CCDC47: variants seen among roughly 807,000 people sequenced by gnomAD.
CCDC47 encodes the protein PAT complex subunit CCDC47.
A neutral mutation model predicts 60.5 loss-of-function variants in CCDC47; 41 were observed. That is an observed-to-expected ratio of 0.68 (90% confidence interval 0.53 to 0.88). The LOEUF (loss-of-function observed/expected upper bound fraction) is 0.88. Ranked by LOEUF, CCDC47 falls within the 40% of genes least tolerant of loss-of-function variation. The probability of loss-of-function intolerance (pLI) is 0.00; values close to 1 mark genes in which losing one functional copy is unlikely to be tolerated. For synonymous variants in CCDC47, 195 were observed against 190.7 expected (o/e 1.02, Z -0.18); for missense variants, 513 against 580.9 (o/e 0.88, Z 1.20).
rs1324475746 is a variant in CCDC47, at chr17:63,751,911, GTTTTACCCCAGTGA to G, written c.1371+15_1371+28del. On this transcript the variant is annotated intron_variant, in intron 12 of 12. Coordinates refer to ENST00000225726, the MANE Select transcript of CCDC47 (RefSeq NM_020198.3). Reference sequence around the variant, plus strand: ...CAAGCAGTCATCCTTACAAATCGTAGTTTTACCCCAGTGATAAGTTTGTCTAACCTCCAGCCTGC... The same window carrying G: ...CAAGCAGTCATCCTTACAAATCGTAGTAAGTTTGTCTAACCTCCAGCCTGC... 1 of 1,611,922 alleles carries G rather than the reference GTTTTACCCCAGTGA, an allele frequency of 6.2e-7. No homozygotes were observed. Among genetic ancestry groups the G allele is most frequent in the Non-Finnish European group, 8.5e-7 (1 of 1,178,872 alleles).
chr17:63,764,738 A>G lies in CCDC47; in HGVS notation c.372+2T>C, dbSNP rs1332073153. 6.2e-7 allele frequency: 1 copy of G among 1,608,158 alleles called. No homozygotes were observed. The stretch of plus-strand genomic sequence containing the variant: ...TGGGAATTCAGAATCCTGGATACCT[A>G]CATCAACAATCGTTATTGGGTCTTT... On this transcript the variant is annotated splice_donor_variant, in intron 3 of 12. Coordinates refer to ENST00000225726, the MANE Select transcript of CCDC47 (RefSeq NM_020198.3). LOFTEE classifies it high-confidence loss of function.
intron 1 of CCDC47, among the ~76,000 whole-genome samples, chr17:63,767,582 T>G (rs1485903573): frequency 1.3e-5 from 2 of 152,140 alleles, no homozygotes; most frequent in Admixed American, 1.3e-4. Flanking sequence ...ACCAGCCCTA[T>G]GTCATAACTC....
intron 6 of CCDC47, among the ~76,000 whole-genome samples, chr17:63,757,604 A>G (rs1417311665): frequency 6.6e-6 from 1 of 152,160 alleles, no homozygotes; most frequent in Non-Finnish European, 1.5e-5. Context: ...AAGCTGCTAC[A>G]CTTGGGTAAT....
intron 4 of CCDC47, chr17:63,762,308 T>A: frequency 1.1e-6 from 1 of 923,776 alleles, no homozygotes; most frequent in Non-Finnish European, 1.3e-6. Flanking sequence ...TTTTCGAATT[T>A]CCTGGTCAAA....
chr17:63,771,432 A>G (rs6504185), intron 1 of CCDC47, among the ~76,000 whole-genome samples: 106,015 of 151,534 alleles, frequency 0.7, 38,496 homozygotes, highest in African/African-American at 0.92. Flanking sequence ...ATCAAGGGAG[A>G]ACTAAACATT....
chr17:63,758,846 T>C (rs1193021411), intron 6 of CCDC47, among the ~76,000 whole-genome samples: 4 of 152,086 alleles, frequency 2.6e-5, no homozygotes, highest in African/African-American at 9.7e-5. Flanking sequence ...TCTTCCATCA[T>C]TGATGGGAAA....
chr17:63,769,346 G>A (rs2039319587), intron 1 of CCDC47, among the ~76,000 whole-genome samples: 1 of 151,896 alleles, frequency 6.6e-6, no homozygotes, highest in African/African-American at 2.4e-5. Flanking sequence ...GTGTGCGATG[G>A]CTCACACCTG....
At chr17:63,747,842 A>C in intron 12 of CCDC47, 1 of 958,544 alleles carries the variant, frequency 1.0e-6, no homozygotes, top group Non-Finnish European at 1.2e-6. Context: ...GGAACTATTG[A>C]CTGTCTTAGG....
At chr17:63,765,282 G>C (rs562675450) in intron 2 of CCDC47, among the ~76,000 whole-genome samples, 5 of 151,992 alleles carry the variant, frequency 3.3e-5, no homozygotes, top group Admixed American at 2.6e-4. Flanking sequence ...CAATAAAGCT[G>C]GGGAGCACCC....
In CCDC47 at chr17:63,752,314, T is replaced by A. The variant is rs2039173025; in HGVS notation, c.1203+6A>T. On this transcript the variant is annotated splice_donor_region_variant and intron_variant, in intron 11 of 12. Coordinates refer to ENST00000225726, the MANE Select transcript of CCDC47 (RefSeq NM_020198.3). ...CAATTTATATAATACAGGCATTGGG[T>A]CTTACTTCTCTGTTGAGTCGGAACT... 6.3e-7 allele frequency: 1 copy of A among 1,595,292 alleles called. No individual in the cohort carries two copies. The highest frequency in any genetic ancestry group is 8.6e-7 in the Non-Finnish European group (1 of 1,163,568).
intron 6 of CCDC47, among the ~76,000 whole-genome samples, chr17:63,758,168 A>G (rs1162210538): frequency 6.6e-6 from 1 of 152,166 alleles, no homozygotes; most frequent in African/African-American, 2.4e-5. Flanking sequence ...ACCAGTAAAT[A>G]TAAGTGTCTT....
Position 63,754,603 on chromosome 17 carries a change from GT to G in CCDC47, c.949-86del, listed in dbSNP as rs1598306343. 5 of 832,046 alleles carry G rather than the reference GT, an allele frequency of 6.0e-6. No individual in the cohort carries two copies. The East Asian group carries it at 1.4e-4, about 23-fold the overall frequency. 51.5% of individuals were successfully genotyped at this position (832,046 alleles called of 1,614,324 possible). On this transcript the variant is annotated intron_variant, in intron 8 of 12. Coordinates refer to ENST00000225726, the MANE Select transcript of CCDC47 (RefSeq NM_020198.3). ...CTAAAGATATTCACTCTTTGAGATG[GT>G]GCAACGGCTCACACCAGTAATCCCC...
chr17:63,768,220 T>C (rs1426847842), intron 1 of CCDC47, among the ~76,000 whole-genome samples: 3 of 152,238 alleles, frequency 2.0e-5, no homozygotes, highest in Non-Finnish European at 2.9e-5. Flanking sequence ...TCACTAAGCA[T>C]ATCGCCACAG....
Position 63,756,521 on chromosome 17 carries a change from G to A in CCDC47, c.785C>T (p.Ala262Val). The part of the protein sequence containing the change: ...NDEDMDTYVF[A>V]VGTRKALVRL... ...CACCAAGGCTTTCCGTGTGCCAACA[G>A]CAAATACGTAGGTATCCATGTCTTC... Residue 262 changes from alanine to valine, a missense_variant, in exon 7 of 13, where the codon GCT becomes GTT. By Grantham distance (64) the Ala-to-Val change is moderately conservative. Coordinates refer to ENST00000225726, the MANE Select transcript of CCDC47 (RefSeq NM_020198.3). 1 of 1,614,018 alleles carries A rather than the reference G, an allele frequency of 6.2e-7. No individual in the cohort carries two copies. The highest frequency in any genetic ancestry group is 2.2e-5 in the East Asian group (1 of 44,884).
At position 63,754,623 on chromosome 17, in the gene CCDC47, A is replaced by G. The variant is rs115732047; in HGVS notation, c.949-105T>C. 1,777 of 671,918 alleles carry G rather than the reference A, an allele frequency of 2.6e-3. 25 individuals are homozygous for G. The African/African-American group carries it at 0.03, about 11-fold the overall frequency. 41.6% of individuals were successfully genotyped at this position (671,918 alleles called of 1,614,324 possible). A position where few individuals can be genotyped will look rare whatever the true frequency, so the allele number is the denominator to read the frequency against. On this transcript the variant is annotated intron_variant, in intron 8 of 12. Transcript: ENST00000225726. ...AGATGGTGCAACGGCTCACACCAGTAATCCCCGCACTTTGGGAGGCAGGTG... is the reference window on the plus strand; with the variant it reads ...AGATGGTGCAACGGCTCACACCAGTGATCCCCGCACTTTGGGAGGCAGGTG...
intron 1 of CCDC47, chr17:63,767,036 C>T (rs1224325316): frequency 1.8e-6 from 1 of 549,164 alleles, no homozygotes; most frequent in African/African-American, 2.0e-5. Flanking sequence ...ATTTAATCCT[C>T]ATAACAACCC....
chr17:63,766,434 T>G (rs2039298792), intron 1 of CCDC47, among the ~76,000 whole-genome samples: 1 of 152,194 alleles, frequency 6.6e-6, no homozygotes, highest in Admixed American at 6.5e-5. Context: ...TTAATTTCTT[T>G]TTTTTTGAGA....
At chr17:63,772,724 T>G (rs926539357) in intron 1 of CCDC47, 2 of 152,184 alleles carry the variant, frequency 1.3e-5, no homozygotes, top group African/African-American at 4.8e-5. Flanking sequence ...CTCAGCACTA[T>G]AATGGAGATC....
chr17:63,771,271 T>C (rs2039339649), intron 1 of CCDC47, among the ~76,000 whole-genome samples: 1 of 151,998 alleles, frequency 6.6e-6, no homozygotes, highest in African/African-American at 2.4e-5. Context: ...AATCTAGAGA[T>C]AATTATATAG....
Sources: allele counts gnomAD v4.1 joint callset (sites outside exome capture counted in the v4.1 genomes callset), GRCh38; gene constraint gnomAD v4.1.1; transcripts MANE v1.5; gene names NCBI Gene and HGNC (gene_info 2026-07-23, HGNC 2026-07-21).